The following LMTK3 variants were observed in gnomAD, a reference collection of about 807,000 sequenced individuals.
LMTK3 encodes the protein lemur tail kinase 3, also known as serine/threonine-protein kinase LMTK3.
Under a neutral mutation model 116.7 loss-of-function variants are expected in LMTK3, and 27 were observed. The ratio of observed to expected loss-of-function variants is 0.23; its 90% CI spans 0.17 to 0.32. The LOEUF is 0.32. Ranked by LOEUF, LMTK3 falls within the 10% of genes least tolerant of loss-of-function variation. The pLI is 1.00. For missense variants in LMTK3, 1,764 were observed against 2,068.5 expected (o/e 0.85, Z 2.86); for synonymous variants, 965 against 971.0 (o/e 0.99, Z 0.11).
intron 1 of LMTK3, 123 bp from the exon 2 acceptor site, chr19:48,510,715 T>C: frequency 1.0e-5 from 12 of 1,171,766 alleles, no homozygotes; most frequent in African/African-American, 1.6e-5. Flanking sequence ...CAGGGTCCCT[T>C]GGCAGAGGTG....
rs751236997 is a variant in LMTK3, at chr19:48,491,208, G to A, written c.4266C>T (p.Leu1422=). Residue 1422 remains leucine, a synonymous_variant, in exon 14 of 15, where the codon CTC becomes CTT. Transcript: ENST00000600059. The surrounding 1 kb of genome is among the most constrained non-coding windows in gnomAD (Gnocchi z 5.1). ...SFEWAEDFPL[L]PPPGPPLCFS... is the part of the protein sequence containing the mutation. The stretch of plus-strand genomic sequence containing the variant: ...AGCACAGCGGGGGGCCTGGAGGGGG[G>A]AGGAGGGGGAAATCCTCCGCCCACT... 1.0e-5 allele frequency: 14 copies of A among 1,402,218 alleles called. No homozygotes were observed. Among genetic ancestry groups the A allele is most frequent in the Non-Finnish European group, 1.2e-5 (13 of 1,074,884 alleles). 86.9% of individuals were successfully genotyped at this position (1,402,218 alleles called of 1,614,324 possible).
chr19:48,513,207 A>G, upstream of LMTK3: 2 of 1,561,316 alleles, frequency 1.3e-6, no homozygotes, highest in Non-Finnish European at 1.8e-6. The surrounding 1 kb of genome is among the most constrained non-coding windows in gnomAD (Gnocchi z 5.6). Flanking sequence ...ATACATGATC[A>G]TAGTTTATTT....
At chr19:48,490,990 A>G in intron 14 of LMTK3, 118 bp downstream of exon 14, 1 of 638,182 alleles carries the variant, frequency 1.6e-6, no homozygotes, top group Non-Finnish European at 2.3e-6. Flanking sequence ...GAGAGGGGAG[A>G]GAGAAGAGAC....
rs868092470 is a variant in LMTK3, at chr19:48,499,132, T to C, written c.1937A>G (p.Glu646Gly). Residue 646 changes from glutamate (E) to glycine (G), a missense_variant, in exon 11 of 15, where the codon GAG becomes GGG. Transcript: ENST00000600059. Reference protein sequence around the residue: ...PWVEEEEEEEEGSSPGEDSSS... With the variant: ...PWVEEEEEEEGGSSPGEDSSS... ...GCTGTCTTCCCCTGGGGAGCTGCCC[T>C]CCTCCTCCTCCTCTTCTTCTTCCAC... 6.5e-7 allele frequency: 1 copy of C among 1,526,844 alleles called. No homozygotes were observed. The highest frequency in any genetic ancestry group is 1.2e-5 in the South Asian group (1 of 80,388). 94.6% of individuals were successfully genotyped at this position (1,526,844 alleles called of 1,614,324 possible). A position where few individuals can be genotyped will look rare whatever the true frequency, so the allele number is the denominator to read the frequency against.
At position 48,491,393 on chromosome 19, in the gene LMTK3, C is replaced by T. The variant is rs1293124597; in HGVS notation, c.4228+11G>A. ...TCCCGCCCCCTCCCGCCCCATAGGG[C>T]CCGTCCTCACCAAAGCCGCTGTCGT... On this transcript the variant is annotated intron_variant, in intron 13 of 14. Transcript: ENST00000600059. This position sits in a 1 kb window ranked among gnomAD's most constrained non-coding sequence, Gnocchi z 5.1. 7.5e-7 allele frequency: 1 copy of T among 1,326,354 alleles called. No homozygotes were observed. Among genetic ancestry groups the T allele is most frequent in the African/African-American group, 1.6e-5 (1 of 63,292 alleles). The allele number at this position is 1,326,354 out of a possible 1,614,324, so 82.2% of individuals were successfully genotyped here.
Position 48,501,415 on chromosome 19 carries a change from C to T in LMTK3, c.880-11G>A. 1.2e-6 allele frequency: 2 copies of T among 1,613,000 alleles called. 1 individual carries two copies. The highest frequency in any genetic ancestry group is 2.2e-5 in the South Asian group (2 of 91,066). On this transcript the variant is annotated splice_polypyrimidine_tract_variant and intron_variant, in intron 8 of 14. Transcript: ENST00000600059. ...CAGGTAGTAGTCCTCCTGAGGGAAC[C>T]AGGGCGGTGTCAGGCGGGTCAGGGC...
chr19:48,496,119 G>GTTT (rs528090327), intron 11 of LMTK3, among the ~76,000 whole-genome samples: 5 of 151,474 alleles, frequency 3.3e-5, no homozygotes, highest in African/African-American at 1.2e-4. Flanking sequence ...GTTTTGTTTT[G>GTTT]TTTTGTTTGA....
In LMTK3 at chr19:48,511,632, C is replaced by CGGTGGGGGGGGGGGGGGGGGG; in HGVS notation, c.-57_-56insCCCCCCCCCCCCCCCCCCACC. ...GTGGCGGCTGGGGAGGAGGGGGGGG[C>CGGTGGGGGGGGGGGGGGGGGG]GGGCCCTCAGCCCCCAGCCATGGGG... On this transcript the variant is annotated 5_prime_UTR_variant, in exon 1 of 15. Transcript: ENST00000600059. 2.7e-6 allele frequency: 1 copy of CGGTGGGGGGGGGGGGGGGGGG among 365,768 alleles called. No individual in the cohort carries two copies. Among genetic ancestry groups the CGGTGGGGGGGGGGGGGGGGGG allele is most frequent in the South Asian group, 6.0e-5 (1 of 16,650 alleles). 22.7% of individuals were successfully genotyped at this position (365,768 alleles called of 1,614,324 possible). A position where few individuals can be genotyped will look rare whatever the true frequency, so the allele number is the denominator to read the frequency against.
intron 14 of LMTK3, among the ~76,000 whole-genome samples, chr19:48,487,405 C>T (rs918850558): frequency 6.6e-6 from 1 of 152,132 alleles, no homozygotes; most frequent in Non-Finnish European, 1.5e-5. Flanking sequence ...GAACTCCTGA[C>T]CTCAAATGAT....
chr19:48,485,906 C>G, intron 14 of LMTK3, 117 bp from the exon 15 acceptor site: 1 of 1,035,926 alleles, frequency 9.7e-7, no homozygotes, highest in Non-Finnish European at 1.4e-6. Flanking sequence ...AAGATCTGCT[C>G]TGTTCCCTCT....
intron 2 of LMTK3, 81 bp from the exon 3 acceptor site, chr19:48,510,254 C>T (rs1972633945): frequency 1.3e-6 from 2 of 1,514,682 alleles, no homozygotes; most frequent in African/African-American, 1.4e-5. Context: ...AGTTTGTCTC[C>T]CCTTCATTTT....
rs773963162 is a variant in LMTK3 at position 48,491,584 on chromosome 19, C to T, written c.4093-45G>A. 5 of 1,302,742 alleles carry T rather than the reference C, an allele frequency of 3.8e-6. No individual in the cohort carries two copies. The highest frequency in any genetic ancestry group is 2.0e-6 in the Non-Finnish European group (2 of 1,016,588). The allele number at this position is 1,302,742 out of a possible 1,614,324, so 80.7% of individuals were successfully genotyped here. A position where few individuals can be genotyped will look rare whatever the true frequency, so the allele number is the denominator to read the frequency against. ...GGAAGCCAGAGGGGACAAACCTTCACGTCCCATTTACCGCATCCCCCAAAA... is the reference window on the plus strand; with the variant it reads ...GGAAGCCAGAGGGGACAAACCTTCATGTCCCATTTACCGCATCCCCCAAAA... On this transcript the variant is annotated intron_variant, in intron 12 of 14. Transcript: ENST00000600059. The surrounding 1 kb of genome is among the most constrained non-coding windows in gnomAD (Gnocchi z 5.1).
Position 48,499,581 on chromosome 19 carries a change from G to C in LMTK3, c.1488C>G (p.Ala496=), listed in dbSNP as rs752171584. The C allele has an allele frequency of 4.6e-6, 7 of 1,532,050 alleles. No homozygotes were observed. In the South Asian group the frequency reaches 8.4e-5, roughly 18 times the overall value. 94.9% of individuals were successfully genotyped at this position (1,532,050 alleles called of 1,614,324 possible). The stretch of plus-strand genomic sequence containing the variant: ...CCGGGGGGGCCGACGCCGGCTGCCA[G>C]GCAGGTGCCCCCCCACCCCGGCCGG... ...RGAGRGGGAP[A]WQPASAPPAP... is the part of the protein sequence containing the mutation. The change falls in exon 11 of 15, where the codon GCC becomes GCG. Residue 496 remains alanine, a synonymous_variant. Transcript: ENST00000600059.
At chr19:48,511,445 C>A in intron 1 of LMTK3, 56 bp downstream of exon 1, 1 of 765,482 alleles carries the variant, frequency 1.3e-6, no homozygotes, top group South Asian at 3.1e-5. Flanking sequence ...GGGCAGACAG[C>A]GAGGCCGCCG....
At chr19:48,505,657 T>A (rs1180620474) in intron 5 of LMTK3, among the ~76,000 whole-genome samples, 1 of 151,688 alleles carries the variant, frequency 6.6e-6, no homozygotes, top group Non-Finnish European at 1.5e-5. Flanking sequence ...ATGTCAGGAG[T>A]TCGAGACCAG....
At chr19:48,511,936 G>A, upstream of LMTK3, 1 of 220,344 alleles carries the variant, frequency 4.5e-6, no homozygotes, top group Admixed American at 5.9e-5. Flanking sequence ...AAGGGTGGGA[G>A]GAGGGAGGAT....
intron 12 of LMTK3, 39 bp downstream of exon 12, chr19:48,493,655 G>A: frequency 6.6e-7 from 1 of 1,522,486 alleles, no homozygotes; most frequent in Non-Finnish European, 8.8e-7. Context: ...GCTCCCTCCA[G>A]GCCGCGACCC....
chr19:48,496,634 A>T (rs1402642307), intron 11 of LMTK3, among the ~76,000 whole-genome samples: 3 of 152,054 alleles, frequency 2.0e-5, no homozygotes, highest in African/African-American at 7.3e-5. Context: ...TTTTTAGTAG[A>T]GATGGGGTTT....
chr19:48,496,853 A>G (rs544481757), intron 11 of LMTK3, among the ~76,000 whole-genome samples: 3 of 152,268 alleles, frequency 2.0e-5, no homozygotes, highest in Non-Finnish European at 4.4e-5. Context: ...CAAAAGAAAT[A>G]AAAACCAGAG....
Sources: allele counts gnomAD v4.1 joint callset (sites outside exome capture counted in the v4.1 genomes callset), GRCh38; gene constraint gnomAD v4.1.1; non-coding constraint Gnocchi (gnomAD v3.1); transcripts MANE v1.5; gene names NCBI Gene and HGNC (gene_info 2026-07-23, HGNC 2026-07-21).